RPA1: variants seen among roughly 807,000 people sequenced by gnomAD.
RPA1 encodes the protein replication protein A 70 kDa DNA-binding subunit.
In RPA1, 49 loss-of-function variants were observed where a neutral mutation model predicts 83.0. That is an observed-to-expected ratio of 0.59 (90% confidence interval 0.47 to 0.75). The LOEUF (loss-of-function observed/expected upper bound fraction) is 0.75, where lower values mean the gene tolerates loss of function less well. RPA1 is among the 30% of genes least tolerant of loss of function. RPA1 has a pLI of 0.00. For synonymous variants in RPA1, 279 were observed against 281.8 expected, an observed-to-expected ratio of 0.99 and a Z score of 0.10; for missense variants, 693 against 776.1, an observed-to-expected ratio of 0.89 and a Z score of 1.27.
At chr17:1,863,162 C>T (rs892793918) in intron 5 of RPA1, among the ~76,000 whole-genome samples, 6 of 150,932 alleles carry the variant, frequency 4.0e-5, no homozygotes, top group Non-Finnish European at 7.4e-5. Context: ...TAGCTGGGAG[C>T]GTGAACCACC....
At chr17:1,858,666 T>C (rs1912816385) in intron 5 of RPA1, among the ~76,000 whole-genome samples, 1 of 151,732 alleles carries the variant, frequency 6.6e-6, no homozygotes, top group African/African-American at 2.4e-5. Flanking sequence ...GGTTTTGCCA[T>C]GTTGGCCAGG....
chr17:1,853,738 AT>A (rs1912586290), intron 5 of RPA1, among the ~76,000 whole-genome samples: 1 of 152,208 alleles, frequency 6.6e-6, no homozygotes, highest in Non-Finnish European at 1.5e-5. Context: ...CTAAAAAAAA[AT>A]CTAGGATATC....
intron 6 of RPA1, among the ~76,000 whole-genome samples, chr17:1,873,197 G>A (rs1913442370): frequency 6.6e-6 from 1 of 152,256 alleles, no homozygotes; most frequent in African/African-American, 2.4e-5. Context: ...TTTGGGCCTC[G>A]TGGGTGTTTA....
chr17:1,853,035 T>C, intron 4 of RPA1, 66 bp from the exon 5 acceptor site: 1 of 1,236,510 alleles, frequency 8.1e-7, no homozygotes. Context: ...GGAAAGCATT[T>C]TGAGTAGCTT....
chr17:1,870,260 T>C (rs1388855478), intron 5 of RPA1, among the ~76,000 whole-genome samples: 6 of 152,178 alleles, frequency 3.9e-5, no homozygotes, highest in African/African-American at 1.4e-4. Flanking sequence ...GTAGCTGTAA[T>C]TCATACGTAT....
chr17:1,863,495 G>A (rs12947171), intron 5 of RPA1, among the ~76,000 whole-genome samples: 49,811 of 152,036 alleles, frequency 0.33, 10,424 homozygotes, highest in Non-Finnish European at 0.48. Context: ...TTACAGGTGT[G>A]AGCCACCGTG....
In RPA1 at chr17:1,898,879, ACCC is replaced by A. The variant is rs1914548239; in HGVS notation, c.*1705_*1707del. On this transcript the variant is annotated 3_prime_UTR_variant, in exon 17 of 17. Coordinates refer to ENST00000254719, the MANE Select transcript of RPA1 (RefSeq NM_002945.5). ...ATCGACGAGAAAATTACAGTCTTCA[ACCC>A]TCTTCTGGATTGACAAATTGTGGCT... The A allele has an allele frequency of 2.0e-5, 3 of 152,594 alleles. No individual in the cohort carries two copies. Among genetic ancestry groups the A allele is most frequent in the Admixed American group, 2.0e-4 (3 of 15,276 alleles). The allele number at this position is 152,594 out of a possible 1,614,324, so 9.5% of individuals were successfully genotyped here.
At chr17:1,841,758 G>A (rs976240601) in intron 1 of RPA1, among the ~76,000 whole-genome samples, 2 of 152,080 alleles carry the variant, frequency 1.3e-5, no homozygotes, top group Admixed American at 6.6e-5. Flanking sequence ...GATGGTAACC[G>A]TAGATTTTTT....
chr17:1,858,165 G>A, intron 5 of RPA1: 1 of 1,613,976 alleles, frequency 6.2e-7, no homozygotes, highest in Non-Finnish European at 8.5e-7. Context: ...TCCCATTCCA[G>A]GTATGATACA....
intron 5 of RPA1, among the ~76,000 whole-genome samples, chr17:1,853,556 G>T (rs954558718): frequency 1.3e-5 from 2 of 152,148 alleles, no homozygotes; most frequent in Non-Finnish European, 2.9e-5. Context: ...AGAGGCCTGC[G>T]CCTGTAATCC....
intron 16 of RPA1, among the ~76,000 whole-genome samples, chr17:1,895,941 C>T (rs556978759): frequency 6.6e-6 from 1 of 152,222 alleles, no homozygotes; most frequent in African/African-American, 2.4e-5. Flanking sequence ...GCCTCAGCCT[C>T]CCAAAGTGCC....
At chr17:1,866,145 G>A (rs781643223) in intron 5 of RPA1, among the ~76,000 whole-genome samples, 1 of 152,008 alleles carries the variant, frequency 6.6e-6, no homozygotes, top group African/African-American at 2.4e-5. Flanking sequence ...GGGAGGCTGA[G>A]GTGAGAGGAT....
In RPA1 at chr17:1,875,459, A is replaced by G. The variant is rs534213314; in HGVS notation, c.455-202A>G. Among the ~76,000 whole-genome samples the G allele has an allele frequency of 7.9e-5, 12 of 152,242 alleles. No homozygotes were observed. The South Asian group carries it at 2.5e-3, about 32-fold the overall frequency. ...GTGAGCTGCTGTGTGCGCAGCCTTC[A>G]TCCTAGATTGCTTTTGTAGCCTCCA... On this transcript the variant is annotated intron_variant, in intron 6 of 16. Transcript: ENST00000254719.
At position 1,876,198 on chromosome 17, in the gene RPA1, T is replaced by A. The variant is rs556718248; in HGVS notation, c.587+405T>A. On this transcript the variant is annotated intron_variant, in intron 7 of 16. Transcript: ENST00000254719. Reference sequence around the variant, plus strand: ...AGTTGGCTAAAATAATCTGCACTATTTGTATTAAACACATGAACATACCCT... The same window carrying A: ...AGTTGGCTAAAATAATCTGCACTATATGTATTAAACACATGAACATACCCT... Among the ~76,000 whole-genome samples the A allele has an allele frequency of 7.2e-5, 11 of 152,326 alleles. No homozygotes were observed. The South Asian group carries it at 2.1e-3, about 29-fold the overall frequency.
At chr17:1,894,692 G>A (rs1019460803) in intron 15 of RPA1, among the ~76,000 whole-genome samples, 46 of 152,146 alleles carry the variant, frequency 3.0e-4, no homozygotes, top group African/African-American at 1.1e-3. Flanking sequence ...ATGGAGGGAA[G>A]GGGAGAATGG....
At chr17:1,844,068 T>A (rs142000206) in intron 3 of RPA1, 70 bp downstream of exon 3, 5 of 1,410,108 alleles carry the variant, frequency 3.5e-6, no homozygotes, top group Admixed American at 3.6e-5. Context: ...GTCCTTTGGT[T>A]GCCATAATTT....
Position 1,884,036 on chromosome 17 carries a change from G to A in RPA1, c.1374+92G>A. 1 of 1,552,966 alleles carries A rather than the reference G, an allele frequency of 6.4e-7. No individual in the cohort carries two copies. On this transcript the variant is annotated intron_variant, in intron 13 of 16. Coordinates refer to ENST00000254719, the MANE Select transcript of RPA1 (RefSeq NM_002945.5). The surrounding 1 kb of genome is among the most constrained non-coding windows in gnomAD (Gnocchi z 4.1). ...TTGGTTTCCAGCACCAGCTGTCAGA[G>A]CCGTAATTCTTACCCGGGGCTGTGA... is the stretch of plus-strand genomic sequence containing the variant.
intron 4 of RPA1, among the ~76,000 whole-genome samples, chr17:1,852,452 G>A (rs1056408110): frequency 2.6e-5 from 4 of 152,140 alleles, no homozygotes; most frequent in African/African-American, 4.8e-5. Context: ...ACACAACACC[G>A]CAATCTCAGA....
At position 1,842,842 on chromosome 17, in the gene RPA1, C is replaced by T; in HGVS notation, c.73C>T (p.Leu25Phe). 6 of 1,614,112 alleles carry T rather than the reference C, an allele frequency of 3.7e-6. No homozygotes were observed. The highest frequency in any genetic ancestry group is 5.1e-6 in the Non-Finnish European group (6 of 1,179,978). The change falls in exon 2 of 17, where the codon CTC (leucine) becomes TTC (phenylalanine). Residue 25 changes from leucine (L) to phenylalanine (F), a missense_variant. Transcript: ENST00000254719. ...GGGGGATACAAACATAAAGCCCATC[C>T]TCCAAGTCATCGTAAGTACCTGCGT... ...QKGDTNIKPI[L>F]QVINIRPITT... is the part of the protein sequence containing the mutation.
Sources: allele counts gnomAD v4.1 joint callset (sites outside exome capture counted in the v4.1 genomes callset), GRCh38; gene constraint gnomAD v4.1.1; non-coding constraint Gnocchi (gnomAD v3.1); transcripts MANE v1.5; gene names NCBI Gene and HGNC (gene_info 2026-07-23, HGNC 2026-07-21).